The following LPP variants were observed in gnomAD, a reference collection of about 807,000 sequenced individuals.
The protein encoded by LPP is LIM domain containing preferred translocation partner in lipoma.
A neutral mutation model predicts 60.4 loss-of-function variants in LPP; 38 were observed. The observed-to-expected ratio is 0.63, with a 90% CI of 0.49 to 0.83. LPP has a LOEUF of 0.83. Ranked by LOEUF, LPP falls within the 40% of genes least tolerant of loss-of-function variation. The pLI is 0.00. For synonymous variants in LPP, 328 were observed against 290.8 expected (o/e 1.13, Z -1.30); for missense variants, 902 against 783.6 (o/e 1.15, Z -1.80).
intron 4 of LPP, among the ~76,000 whole-genome samples, chr3:188,457,979 T>G (rs1052981911): frequency 6.6e-6 from 1 of 152,156 alleles, no homozygotes; most frequent in African/African-American, 2.4e-5. Flanking sequence ...GATAGAAATA[T>G]GAAGCATATT....
intron 4 of LPP, among the ~76,000 whole-genome samples, chr3:188,437,822 A>G (rs1400663437): frequency 1.3e-5 from 2 of 152,190 alleles, no homozygotes; most frequent in Non-Finnish European, 2.9e-5. Context: ...CTTTTTGAGA[A>G]GCTAGACATG....
In LPP at chr3:188,882,652, A is replaced by C; in HGVS notation, c.*8173A>C. The C allele has an allele frequency of 4.6e-6, 1 of 218,262 alleles. No individual in the cohort carries two copies. Among genetic ancestry groups the C allele is most frequent in the Non-Finnish European group, 9.2e-6 (1 of 108,806 alleles). 13.5% of individuals were successfully genotyped at this position (218,262 alleles called of 1,614,324 possible). On this transcript the variant is annotated 3_prime_UTR_variant, in exon 12 of 12. Coordinates refer to ENST00000617246, the MANE Select transcript of LPP (RefSeq NM_001375462.1). ...GCAGGACATCTCTATTTTCCTATTG[A>C]GTCTGAGTCCATTATTAGAAAGGAC...
chr3:188,239,659 A>C (rs1723164922), intron 2 of LPP, among the ~76,000 whole-genome samples: 1 of 152,206 alleles, frequency 6.6e-6, no homozygotes, highest in African/African-American at 2.4e-5. Context: ...TTGTTCAAAG[A>C]AAGGCATTAT....
At chr3:188,186,424 C>A (rs1726613222) in intron 1 of LPP, among the ~76,000 whole-genome samples, 1 of 152,094 alleles carries the variant, frequency 6.6e-6, no homozygotes, top group South Asian at 2.1e-4. Flanking sequence ...TAAAAGAGGG[C>A]TAGGTGGCTT....
chr3:188,641,685 G>C (rs1447386387), intron 7 of LPP, among the ~76,000 whole-genome samples: 2 of 152,180 alleles, frequency 1.3e-5, no homozygotes, highest in African/African-American at 4.8e-5. Flanking sequence ...AGCACTGTGA[G>C]GACTCAGAAT....
chr3:188,686,200 C>T lies in LPP; in HGVS notation c.1114-22067C>T, dbSNP rs117411999. Among the ~76,000 whole-genome samples the T allele has an allele frequency of 5.7e-4, 87 of 152,134 alleles. No individual in the cohort carries two copies. The East Asian group carries it at 0.016, about 29-fold the overall frequency. ...AAATATATTACTCAATAAATGTAGC[C>T]ATTGATATTATTAATAATATTATTA... On this transcript the variant is annotated intron_variant, in intron 7 of 11. Transcript: ENST00000617246.
chr3:188,164,113 G>A lies in LPP; in HGVS notation c.-190+9861G>A, dbSNP rs60445126. ...TATAAGAGAGTGCCGTGGGAGAGGC[G>A]CATGTGAAGGACTGATGGACTTGTG... On this transcript the variant is annotated intron_variant, in intron 1 of 11. Transcript: ENST00000617246. Among the ~76,000 whole-genome samples the A allele has an allele frequency of 3.5e-3, 531 of 152,264 alleles. 26 individuals are homozygous for A. The East Asian group carries it at 0.087, about 25-fold the overall frequency.
chr3:188,444,549 A>C (rs752395768), intron 4 of LPP, among the ~76,000 whole-genome samples: 3 of 152,198 alleles, frequency 2.0e-5, no homozygotes, highest in Non-Finnish European at 2.9e-5. Context: ...AAACCTAGGC[A>C]ATACCATTTA....
intron 4 of LPP, among the ~76,000 whole-genome samples, chr3:188,424,764 G>A (rs993546270): frequency 7.9e-5 from 12 of 151,874 alleles, no homozygotes; most frequent in African/African-American, 2.9e-4. Context: ...TTGGTTTATA[G>A]GAATGCTTGT....
At chr3:188,177,762 A>G (rs1397457642) in intron 1 of LPP, among the ~76,000 whole-genome samples, 4 of 152,182 alleles carry the variant, frequency 2.6e-5, no homozygotes, top group Non-Finnish European at 5.9e-5. Flanking sequence ...AGAAGTGCAC[A>G]GTGTTTTTAT....
chr3:188,672,352 A>T (rs1033127303), intron 7 of LPP, among the ~76,000 whole-genome samples: 1 of 151,326 alleles, frequency 6.6e-6, no homozygotes, highest in African/African-American at 2.4e-5. Flanking sequence ...CCATACCCCC[A>T]TTCATTTTCC....
Position 188,409,902 on chromosome 3 carries a change from TGA to T in LPP, c.193+3591_193+3592del, listed in dbSNP as rs144558149. On this transcript the variant is annotated intron_variant, in intron 4 of 11. Transcript: ENST00000617246. ...TTGTTCAGAGAAGCACAGCCTGCTC[TGA>T]GCCGAGTTGGCACTCAAGTCTTTTC... is the stretch of plus-strand genomic sequence containing the variant. Among the ~76,000 whole-genome samples, 805 of 152,362 alleles carry T rather than the reference TGA, an allele frequency of 5.3e-3. 17 individuals are homozygous for T. The highest frequency in any genetic ancestry group is 0.019 in the African/African-American group (780 of 41,590).
intron 6 of LPP, among the ~76,000 whole-genome samples, chr3:188,571,803 A>ATT (rs1833604332): frequency 6.6e-6 from 1 of 152,144 alleles, no homozygotes; most frequent in Admixed American, 6.6e-5. Flanking sequence ...TGACTTCAAA[A>ATT]TTATTGTAGT....
intron 7 of LPP, among the ~76,000 whole-genome samples, chr3:188,640,693 TG>T (rs1238654789): frequency 2.6e-5 from 4 of 152,008 alleles, no homozygotes; most frequent in African/African-American, 9.7e-5. Flanking sequence ...AGAGTCTCAT[TG>T]CCTTACCATA....
rs565813412 is a variant in LPP at position 188,872,912 on chromosome 3, A to G, written c.1710+149A>G. The G allele has an allele frequency of 3.1e-5, 31 of 1,000,670 alleles. No individual in the cohort carries two copies. In the South Asian group the frequency reaches 4.9e-4, roughly 16 times the overall value. The allele number at this position is 1,000,670 out of a possible 1,614,324, so 62.0% of individuals were successfully genotyped here. On this transcript the variant is annotated intron_variant, in intron 11 of 11. Transcript: ENST00000617246. Reference sequence around the variant, plus strand: ...CTTGGGTTTTAGATTTGACACTAGTATTCCGAGCACATGCTGTTGAATAAG... The same window carrying G: ...CTTGGGTTTTAGATTTGACACTAGTGTTCCGAGCACATGCTGTTGAATAAG...
chr3:188,636,336 G>A (rs1848748835), intron 7 of LPP, among the ~76,000 whole-genome samples: 1 of 152,200 alleles, frequency 6.6e-6, no homozygotes, highest in Non-Finnish European at 1.5e-5. Flanking sequence ...CCCGAATACT[G>A]CGCTTTTCCG....
At chr3:188,341,477 C>A (rs1178336299) in intron 2 of LPP, among the ~76,000 whole-genome samples, 186 bp from the exon 3 acceptor site, 3 of 152,204 alleles carry the variant, frequency 2.0e-5, no homozygotes, top group African/African-American at 7.2e-5. Context: ...TGTTTCCTCA[C>A]CTATGAAGCC....
Position 188,269,645 on chromosome 3 carries a change from A to ATG in LPP, c.-67+44152_-67+44153dup, listed in dbSNP as rs368115626. ...GCTAGCTGGTTGTGCCTTTTTTTTT[A>ATG]TGTGTGTGTGTGTGTGTGTGTGTGT... On this transcript the variant is annotated intron_variant, in intron 2 of 11. Transcript: ENST00000617246. Among the ~76,000 whole-genome samples, 1,052 of 136,500 alleles carry ATG rather than the reference A, an allele frequency of 7.7e-3. 5 individuals are homozygous for ATG. Among genetic ancestry groups the ATG allele is most frequent in the South Asian group, 0.026 (108 of 4,182 alleles). 89.5% of individuals were successfully genotyped at this position (136,500 alleles called of 152,430 possible).
At chr3:188,331,650 C>T (rs573650706) in intron 2 of LPP, among the ~76,000 whole-genome samples, 1 of 152,150 alleles carries the variant, frequency 6.6e-6, no homozygotes, top group Non-Finnish European at 1.5e-5. Flanking sequence ...GGATGCTCAT[C>T]CTCTTGGTGC....
Sources: gnomAD v4.1 joint callset for allele counts (sites outside exome capture counted in the v4.1 genomes callset) on GRCh38, gnomAD v4.1.1 for gene constraint, MANE v1.5 for transcripts, NCBI Gene and HGNC (gene_info 2026-07-23, HGNC 2026-07-21) for gene names.